Variants in IGSF11 observed in about 807,000 individuals in gnomAD.
The protein encoded by IGSF11 is immunoglobulin superfamily member 11, also known as CXADR like 1.
IGSF11 carries 22 observed loss-of-function variants against 41.0 expected under a neutral mutation model. The observed-to-expected ratio is 0.54, with a 90% CI of 0.38 to 0.77. IGSF11 has a LOEUF of 0.77. Among genes scored for constraint, IGSF11 ranks in the 30% least tolerant of loss-of-function variants. The pLI is 0.00. For synonymous variants in IGSF11, 219 were observed against 201.3 expected, an observed-to-expected ratio of 1.09 and a Z score of -0.74; for missense variants, 444 against 530.8, an observed-to-expected ratio of 0.84 and a Z score of 1.61.
chr3:119,031,222 A>G (rs1475777135), intron 1 of IGSF11, among the ~76,000 whole-genome samples: 2 of 152,150 alleles, frequency 1.3e-5, no homozygotes, highest in Admixed American at 1.3e-4. Context: ...GCGCCACTGC[A>G]CTCCAGCCTG....
intron 4 of IGSF11, among the ~76,000 whole-genome samples, chr3:118,914,113 T>C (rs896226006): frequency 6.6e-6 from 1 of 151,490 alleles, no homozygotes; most frequent in Non-Finnish European, 1.5e-5. Flanking sequence ...ACTTTAAGAA[T>C]AAGCACGAAG....
intron 1 of IGSF11, among the ~76,000 whole-genome samples, chr3:119,009,874 TCTACCTTG>T (rs1228721831): frequency 8.5e-5 from 13 of 152,196 alleles, no homozygotes; most frequent in Admixed American, 8.5e-4. Flanking sequence ...TACCTTGACA[TCTACCTTG>T]ACATCTACCT....
chr3:119,139,553 C>T (rs908048047), intron 1 of IGSF11, among the ~76,000 whole-genome samples: 2 of 152,108 alleles, frequency 1.3e-5, no homozygotes, highest in Non-Finnish European at 2.9e-5. Flanking sequence ...CTCTTTTTGC[C>T]TGCTGCCATC....
intron 1 of IGSF11, chr3:118,981,906 T>C (rs1032768042): frequency 2.0e-4 from 31 of 153,276 alleles, no homozygotes; most frequent in African/African-American, 7.5e-4. Flanking sequence ...TTCCTCCTGC[T>C]GGCCCTGAGG....
At chr3:119,083,527 C>CACAA (rs1296633891) in intron 1 of IGSF11, among the ~76,000 whole-genome samples, 1 of 145,374 alleles carries the variant, frequency 6.9e-6, no homozygotes, top group African/African-American at 2.7e-5. Context: ...CACACACACA[C>CACAA]ACACACACAA....
intron 1 of IGSF11, among the ~76,000 whole-genome samples, chr3:118,990,699 A>G (rs1206857672): frequency 6.6e-6 from 1 of 152,252 alleles, no homozygotes; most frequent in African/African-American, 2.4e-5. Context: ...GGGAAACAAT[A>G]TAGTCCCTTT....
chr3:119,014,682 G>C (rs150180683), intron 1 of IGSF11, among the ~76,000 whole-genome samples: 5 of 152,322 alleles, frequency 3.3e-5, no homozygotes, highest in African/African-American at 1.2e-4. Flanking sequence ...GTTTTAAAAA[G>C]ATCACTTTAC....
chr3:119,059,853 G>T (rs1941997708), intron 1 of IGSF11, among the ~76,000 whole-genome samples: 1 of 152,122 alleles, frequency 6.6e-6, no homozygotes, highest in South Asian at 2.1e-4. Context: ...CTCATATTTG[G>T]AATTGTAAGT....
At chr3:118,987,689 T>C (rs952137674) in intron 1 of IGSF11, among the ~76,000 whole-genome samples, 3 of 152,210 alleles carry the variant, frequency 2.0e-5, no homozygotes, top group African/African-American at 4.8e-5. Context: ...AGCAATTCAC[T>C]AGGCATGTGA....
intron 1 of IGSF11, among the ~76,000 whole-genome samples, chr3:119,079,936 C>T (rs749915350): frequency 1.3e-5 from 2 of 152,098 alleles, no homozygotes; most frequent in Non-Finnish European, 2.9e-5. Flanking sequence ...TCGGGTACTA[C>T]GCTCACTACC....
At chr3:119,112,231 C>T (rs895663967) in intron 1 of IGSF11, among the ~76,000 whole-genome samples, 2 of 152,224 alleles carry the variant, frequency 1.3e-5, no homozygotes, top group East Asian at 3.9e-4. Flanking sequence ...CCTCCTTGAG[C>T]TGTGGTGGGC....
rs183729107 is a variant in IGSF11 at position 118,950,474 on chromosome 3, C to T, written c.53-20199G>A. Among the ~76,000 whole-genome samples the T allele has an allele frequency of 6.9e-3, 1,052 of 151,948 alleles. 4 individuals are homozygous for T. Among genetic ancestry groups the T allele is most frequent in the Middle Eastern group, 0.014 (4 of 294 alleles). ...GTAAAAAATTCCTAAGGTAATATGC[C>T]TTTTATATATTTTATAGAGAATATT... On this transcript the variant is annotated intron_variant, in intron 1 of 6. Transcript: ENST00000393775.
In IGSF11 at chr3:119,089,034, C is replaced by T. The variant is rs2076721623; in HGVS notation, c.49+16110G>A. On this transcript the variant is annotated intron_variant, in intron 1 of 6. Transcript: ENST00000354673. ...ATAACTGATACGAATTCTGCTGAAA[C>T]TATTCAAAAAAATCGAGGAGTAGGA... Among the ~76,000 whole-genome samples, 3 of 152,076 alleles carry T rather than the reference C, an allele frequency of 2.0e-5. No homozygotes were observed. In the South Asian group the frequency reaches 6.2e-4, roughly 31 times the overall value.
chr3:119,082,374 T>C (rs1457739582), intron 1 of IGSF11, among the ~76,000 whole-genome samples: 1 of 152,098 alleles, frequency 6.6e-6, no homozygotes, highest in East Asian at 1.9e-4. Context: ...AAGAGGAATA[T>C]GATCAGTTAT....
intron 1 of IGSF11, among the ~76,000 whole-genome samples, chr3:119,110,561 C>G (rs2077134838): frequency 6.6e-6 from 1 of 152,156 alleles, no homozygotes; most frequent in African/African-American, 2.4e-5. Flanking sequence ...CAGTCTGTGT[C>G]TTTTAATTGG....
At chr3:119,023,758 G>A (rs958180010) in intron 1 of IGSF11, among the ~76,000 whole-genome samples, 3 of 152,134 alleles carry the variant, frequency 2.0e-5, no homozygotes, top group African/African-American at 4.8e-5. Flanking sequence ...CACTCAAGTC[G>A]AAGAAAAAGC....
At chr3:118,949,316 C>T (rs1487249743) in intron 1 of IGSF11, 1 of 114,006 alleles carries the variant, frequency 8.8e-6, no homozygotes, top group Non-Finnish European at 1.8e-5. Flanking sequence ...TTGCTTTAGC[C>T]ACCTGAGGAA....
At chr3:119,133,575 T>A (rs191880802) in intron 1 of IGSF11, among the ~76,000 whole-genome samples, 2 of 152,262 alleles carry the variant, frequency 1.3e-5, no homozygotes, top group Admixed American at 1.3e-4. Flanking sequence ...GAGGCAATAA[T>A]TAATAGCCTA....
At chr3:118,976,758 T>C (rs1463198700) in intron 1 of IGSF11, among the ~76,000 whole-genome samples, 3 of 152,200 alleles carry the variant, frequency 2.0e-5, no homozygotes, top group African/African-American at 7.2e-5. Flanking sequence ...TGTATCAAAG[T>C]TCCTACTACC....
Sources: gnomAD v4.1 joint callset for allele counts (sites outside exome capture counted in the v4.1 genomes callset) on GRCh38, gnomAD v4.1.1 for gene constraint, MANE v1.5 for transcripts, NCBI Gene and HGNC (gene_info 2026-07-23, HGNC 2026-07-21) for gene names.